The following KCNK12 variants were observed in gnomAD, a reference collection of about 807,000 sequenced individuals.
KCNK12 encodes potassium two pore domain channel subfamily K member 12.
Under a neutral mutation model 25.3 loss-of-function variants are expected in KCNK12, and 6 were observed. That is an observed-to-expected ratio of 0.24 (90% CI 0.13 to 0.47). KCNK12 has a LOEUF of 0.47. Ranked by LOEUF, KCNK12 falls within the 20% of genes least tolerant of loss-of-function variation. The pLI is 0.99. For synonymous variants in KCNK12, 331 were observed against 311.1 expected (o/e 1.06, Z -0.67); for missense variants, 444 against 661.7 (o/e 0.67, Z 3.61).
rs2104720784 is a variant in KCNK12, at chr2:47,521,172, C to G, written c.1028G>C (p.Arg343Pro). ...GTCGGCACCGAGCGCGGCCAGGCGGCGGCGCAGCCGGGAGCCTGGGGTGAT... is the reference window on the plus strand; with the variant it reads ...GTCGGCACCGAGCGCGGCCAGGCGGGGGCGCAGCCGGGAGCCTGGGGTGAT... ...NAITPGSRLRRRLAALGADPA... is the reference protein window; with the variant it reads ...NAITPGSRLRPRLAALGADPA... The change falls in exon 2 of 2, where the codon CGC becomes CCC. Residue 343 changes from arginine to proline, a missense_variant. Arg to Pro is a moderately radical substitution (Grantham distance 103). This residue lies in a region of KCNK12 where 69 missense variants were observed against 81.7 expected (regional missense o/e 0.84). Coordinates refer to ENST00000327876, the MANE Select transcript of KCNK12 (RefSeq NM_022055.2). 1 of 1,298,524 alleles carries G rather than the reference C, an allele frequency of 7.7e-7. No homozygotes were observed. The highest frequency in any genetic ancestry group is 9.7e-7 in the Non-Finnish European group (1 of 1,026,728). 80.4% of individuals were successfully genotyped at this position (1,298,524 alleles called of 1,614,324 possible). A position where few individuals can be genotyped will look rare whatever the true frequency, so the allele number is the denominator to read the frequency against.
rs148928512 is a variant in KCNK12, at chr2:47,519,309, T to TTGTGTG, written c.*1592_*1597dup. 1 of 151,980 alleles carries TTGTGTG rather than the reference T, an allele frequency of 6.6e-6. No individual in the cohort carries two copies. The highest frequency in any genetic ancestry group is 2.4e-5 in the African/African-American group (1 of 41,480). The allele number at this position is 151,980 out of a possible 1,614,324, so 9.4% of individuals were successfully genotyped here. A position where few individuals can be genotyped will look rare whatever the true frequency, so the allele number is the denominator to read the frequency against. On this transcript the variant is annotated 3_prime_UTR_variant, in exon 2 of 2. Transcript: ENST00000327876. ...GGTGCGTGAGCGCATGCGTGCATGT[T>TTGTGTG]TGTGTGTGTGTGTGTTCCACGCACA...
rs1056538647 is a variant in KCNK12, at chr2:47,511,851, A to G, written c.*9056T>C. On this transcript the variant is annotated 3_prime_UTR_variant, in exon 2 of 2. Transcript: ENST00000327876. The surrounding 1 kb of genome is among the most constrained non-coding windows in gnomAD (Gnocchi z 4.3). The stretch of plus-strand genomic sequence containing the variant: ...CTGTGCTATCCAATATGGTAGCCAC[A>G]AGTTACATGTGGCTATTGAACACTT... Among the ~76,000 whole-genome samples the G allele has an allele frequency of 6.6e-6, 1 of 152,234 alleles. No individual in the cohort carries two copies. The highest frequency in any genetic ancestry group is 2.4e-5 in the African/African-American group (1 of 41,452).
At chr2:47,526,509 C>T (rs1377138427) in intron 1 of KCNK12, among the ~76,000 whole-genome samples, 2 of 151,886 alleles carry the variant, frequency 1.3e-5, no homozygotes, top group African/African-American at 2.4e-5. Flanking sequence ...AAGGTGGGTG[C>T]ATCACTTGAG....
chr2:47,531,739 A>T (rs1308423081), intron 1 of KCNK12, among the ~76,000 whole-genome samples: 1 of 152,182 alleles, frequency 6.6e-6, no homozygotes, highest in Non-Finnish European at 1.5e-5. Flanking sequence ...TAAGGCGTAA[A>T]AACAGTGGGT....
rs987631340 is a variant in KCNK12 at position 47,516,139 on chromosome 2, G to A, written c.*4768C>T. Among the ~76,000 whole-genome samples, 2 of 152,064 alleles carry A rather than the reference G, an allele frequency of 1.3e-5. No homozygotes were observed. Among genetic ancestry groups the A allele is most frequent in the Non-Finnish European group, 2.9e-5 (2 of 67,998 alleles). The stretch of plus-strand genomic sequence containing the variant: ...AATTCAGACCTCCTAGTTTCTAAGT[G>A]GACGCTCTTTCTACACCACCATAAT... On this transcript the variant is annotated 3_prime_UTR_variant, in exon 2 of 2. Coordinates refer to ENST00000327876, the MANE Select transcript of KCNK12 (RefSeq NM_022055.2).
intron 1 of KCNK12, chr2:47,564,533 A>G (rs1669752717): frequency 4.8e-6 from 1 of 209,094 alleles, no homozygotes; most frequent in Admixed American, 5.9e-5. Context: ...GAAAACACAG[A>G]AACAACATCA....
chr2:47,538,176 CAA>C lies in KCNK12; in HGVS notation c.392-16370_392-16369del, dbSNP rs1669116436. Among the ~76,000 whole-genome samples, 1 of 152,144 alleles carries C rather than the reference CAA, an allele frequency of 6.6e-6. No individual in the cohort carries two copies. The highest frequency in any genetic ancestry group is 1.5e-5 in the Non-Finnish European group (1 of 68,018). On this transcript the variant is annotated intron_variant, in intron 1 of 1. Transcript: ENST00000327876. The surrounding 1 kb of genome is among the most constrained non-coding windows in gnomAD (Gnocchi z 4.5). ...TGGGATTCAACAGTGATCTAAAAGACAAAGTCCCCTACCCTCAAGAAGCTTAC... is the reference window on the plus strand; with the variant it reads ...TGGGATTCAACAGTGATCTAAAAGACAGTCCCCTACCCTCAAGAAGCTTAC...
chr2:47,534,239 T>C (rs1367462196), intron 1 of KCNK12, among the ~76,000 whole-genome samples: 7 of 151,794 alleles, frequency 4.6e-5, no homozygotes, highest in South Asian at 2.1e-4. Flanking sequence ...CACCCCCCAC[T>C]CTGTGCTTTA....
At chr2:47,534,298 T>C (rs1408068591) in intron 1 of KCNK12, among the ~76,000 whole-genome samples, 2 of 151,958 alleles carry the variant, frequency 1.3e-5, no homozygotes, top group African/African-American at 4.8e-5. Flanking sequence ...TTCAGCAAAA[T>C]GAGTTATTAA....
chr2:47,542,234 C>G (rs1305757095), intron 1 of KCNK12, among the ~76,000 whole-genome samples: 1 of 152,196 alleles, frequency 6.6e-6, no homozygotes, highest in Non-Finnish European at 1.5e-5. Context: ...TCACTCCACA[C>G]CAGGCTTGGG....
rs1669426039 is a variant in KCNK12, at chr2:47,551,320, CAG to C, written c.391+18619_391+18620del. Among the ~76,000 whole-genome samples, 1 of 152,210 alleles carries C rather than the reference CAG, an allele frequency of 6.6e-6. No individual in the cohort carries two copies. The highest frequency in any genetic ancestry group is 2.4e-5 in the African/African-American group (1 of 41,456). On this transcript the variant is annotated intron_variant, in intron 1 of 1. Coordinates refer to ENST00000327876, the MANE Select transcript of KCNK12 (RefSeq NM_022055.2). The surrounding 1 kb of genome is among the most constrained non-coding windows in gnomAD (Gnocchi z 5.3). ...CCTTACCTCATTCCAAGCCTCCACT[CAG>C]GGGTCACATCATCCAAGAGACCCTT... is the stretch of plus-strand genomic sequence containing the variant.
rs1669177828 is a variant in KCNK12, at chr2:47,540,675, C to A, written c.392-18867G>T. ...GCACGGTGGCTTATGCCTGTCATGC[C>A]AGCACTTTGGGAGGCCAAGGCAGGG... On this transcript the variant is annotated intron_variant, in intron 1 of 1. Coordinates refer to ENST00000327876, the MANE Select transcript of KCNK12 (RefSeq NM_022055.2). The surrounding 1 kb of genome is among the most constrained non-coding windows in gnomAD (Gnocchi z 5.4). Among the ~76,000 whole-genome samples the A allele has an allele frequency of 6.6e-6, 1 of 152,152 alleles. No individual in the cohort carries two copies.
rs578042874 is a variant in KCNK12, at chr2:47,516,280, G to T, written c.*4627C>A. On this transcript the variant is annotated 3_prime_UTR_variant, in exon 2 of 2. Coordinates refer to ENST00000327876, the MANE Select transcript of KCNK12 (RefSeq NM_022055.2). The stretch of plus-strand genomic sequence containing the variant: ...CTTAGACCAATGAAATCAGACTCCT[G>T]GGAGTACGGCCCGGGCCTCGGGATC... 6.6e-6 allele frequency among the ~76,000 whole-genome samples: 1 copy of T among 152,332 alleles called. No homozygotes were observed. Among genetic ancestry groups the T allele is most frequent in the African/African-American group, 2.4e-5 (1 of 41,570 alleles).
chr2:47,565,803 C>T lies in KCNK12; in HGVS notation c.391+4138G>A, dbSNP rs974504087. Reference sequence around the variant, plus strand: ...AATACTGTCTTCAAGAATATTGTTTCGTGCTAAAAGAACACAAGACAGTTA... The same window carrying T: ...AATACTGTCTTCAAGAATATTGTTTTGTGCTAAAAGAACACAAGACAGTTA... On this transcript the variant is annotated intron_variant, in intron 1 of 1. Coordinates refer to ENST00000327876, the MANE Select transcript of KCNK12 (RefSeq NM_022055.2). The surrounding 1 kb of genome is among the most constrained non-coding windows in gnomAD (Gnocchi z 5.0). 8 of 152,162 alleles carry T rather than the reference C, an allele frequency of 5.3e-5. No individual in the cohort carries two copies. Among genetic ancestry groups the T allele is most frequent in the African/African-American group, 9.7e-5 (4 of 41,438 alleles). 9.4% of individuals were successfully genotyped at this position (152,162 alleles called of 1,614,324 possible).
At position 47,521,597 on chromosome 2, in the gene KCNK12, C is replaced by T. The variant is rs771970318; in HGVS notation, c.603G>A (p.Ser201=). The T allele has an allele frequency of 3.2e-6, 5 of 1,563,548 alleles. No individual in the cohort carries two copies. Among genetic ancestry groups the T allele is most frequent in the Non-Finnish European group, 4.3e-6 (5 of 1,154,060 alleles). The change falls in exon 2 of 2, where the codon TCG becomes TCA. Residue 201 remains serine, a synonymous_variant. Transcript: ENST00000327876. ...PATFRRGSAL[S]EADSLAGWKP... is the part of the protein sequence containing the mutation. ...TCCAGCCCGCCAGGCTGTCGGCCTCCGAGAGCGCGGAGCCGCGGCGGAAGG... is the reference window on the plus strand; with the variant it reads ...TCCAGCCCGCCAGGCTGTCGGCCTCTGAGAGCGCGGAGCCGCGGCGGAAGG...
Position 47,519,311 on chromosome 2 carries a change from G to C in KCNK12, c.*1596C>G, listed in dbSNP as rs946679168. The stretch of plus-strand genomic sequence containing the variant: ...TGCGTGAGCGCATGCGTGCATGTTT[G>C]TGTGTGTGTGTGTTCCACGCACATT... On this transcript the variant is annotated 3_prime_UTR_variant, in exon 2 of 2. Transcript: ENST00000327876. The C allele has an allele frequency of 2.0e-5, 3 of 151,852 alleles. No individual in the cohort carries two copies. The highest frequency in any genetic ancestry group is 2.0e-4 in the Admixed American group (3 of 15,238). The allele number at this position is 151,852 out of a possible 1,614,324, so 9.4% of individuals were successfully genotyped here.
Position 47,569,762 on chromosome 2 carries a change from G to T in KCNK12, c.391+179C>A, listed in dbSNP as rs1377010659. ...GGGCTTTCTTCCCTCACTGAAAGCC[G>T]GGAGGGAGAGAGAGAGAGAGAACGG... On this transcript the variant is annotated intron_variant, in intron 1 of 1. Transcript: ENST00000327876. The surrounding 1 kb of genome is among the most constrained non-coding windows in gnomAD (Gnocchi z 4.1). Among the ~76,000 whole-genome samples, 1 of 152,188 alleles carries T rather than the reference G, an allele frequency of 6.6e-6. No homozygotes were observed. The highest frequency in any genetic ancestry group is 1.9e-4 in the East Asian group (1 of 5,190).
At position 47,515,380 on chromosome 2, in the gene KCNK12, G is replaced by A. The variant is rs567683034; in HGVS notation, c.*5527C>T. Among the ~76,000 whole-genome samples the A allele has an allele frequency of 6.6e-5, 10 of 152,186 alleles. No individual in the cohort carries two copies. The highest frequency in any genetic ancestry group is 1.9e-4 in the East Asian group (1 of 5,200). ...TTATTGGAACACTAAGTCTGTGAGA[G>A]TTATTTACATCCTACTGCTTAAGGT... On this transcript the variant is annotated 3_prime_UTR_variant, in exon 2 of 2. Coordinates refer to ENST00000327876, the MANE Select transcript of KCNK12 (RefSeq NM_022055.2).
chr2:47,544,029 TG>T (rs913889183), intron 1 of KCNK12, among the ~76,000 whole-genome samples: 106 of 152,318 alleles, frequency 7.0e-4, no homozygotes, highest in African/African-American at 2.5e-3. Flanking sequence ...CCTCCACTCT[TG>T]GTGGCTTCCA....
Sources: allele counts gnomAD v4.1 joint callset (sites outside exome capture counted in the v4.1 genomes callset), GRCh38; gene constraint gnomAD v4.1.1; regional missense constraint gnomAD v4.1.1; non-coding constraint Gnocchi (gnomAD v3.1); transcripts MANE v1.5; gene names NCBI Gene and HGNC (gene_info 2026-07-23, HGNC 2026-07-21).